Variants in BRD4 observed in about 807,000 individuals in gnomAD.
BRD4 encodes bromodomain containing 4, also known as bromodomain-containing protein 4.
A neutral mutation model predicts 142.1 loss-of-function variants in BRD4; 16 were observed. The observed-to-expected ratio is 0.11, with a 90% CI of 0.08 to 0.17. BRD4 has a LOEUF of 0.17. Among genes scored for constraint, BRD4 ranks in the 10% least tolerant of loss-of-function variants. The probability of loss-of-function intolerance (pLI) is 1.00; values close to 1 mark genes in which losing one functional copy is unlikely to be tolerated. For synonymous variants in BRD4, 833 were observed against 707.5 expected, an observed-to-expected ratio of 1.18 and a Z score of -2.82; for missense variants, 1,424 against 1,810.9, an observed-to-expected ratio of 0.79 and a Z score of 3.88.
rs772991598 is a variant in BRD4 at position 15,268,978 on chromosome 19, T to C, written c.350A>G (p.Asn117Ser). 8 of 1,614,106 alleles carry C rather than the reference T, an allele frequency of 5.0e-6. No individual in the cohort carries two copies. Among genetic ancestry groups the C allele is most frequent in the South Asian group, 2.2e-5 (2 of 91,092 alleles). Residue 117 changes from asparagine (N) to serine (S), a missense_variant, in exon 3 of 20, where the codon AAC becomes AGC. This residue lies in a region of BRD4 where 55 missense variants were observed against 160.7 expected (regional missense o/e 0.34). Coordinates refer to ENST00000679869, the MANE Select transcript of BRD4 (RefSeq NM_001379291.1). ...MGTIKKRLEN[N>S]YYWNAQECIQ... is the part of the protein sequence containing the mutation. ...ACATTCCTGAGCATTCCAGTAATAGTTGTTTTCCAAGCGCTTCTTTATTGT... is the reference window on the plus strand; with the variant it reads ...ACATTCCTGAGCATTCCAGTAATAGCTGTTTTCCAAGCGCTTCTTTATTGT...
chr19:15,266,269 A>G (rs1313165871), intron 4 of BRD4, among the ~76,000 whole-genome samples: 1 of 152,230 alleles, frequency 6.6e-6, no homozygotes, highest in Non-Finnish European at 1.5e-5. Flanking sequence ...GACCAGGGTG[A>G]GAATGTCTAG....
chr19:15,269,286 C>G (rs1345350367), intron 2 of BRD4, among the ~76,000 whole-genome samples: 1 of 152,248 alleles, frequency 6.6e-6, no homozygotes, highest in Non-Finnish European at 1.5e-5. Context: ...TCCAACCACT[C>G]TATCTTGAAA....
intron 1 of BRD4, chr19:15,280,158 C>T (rs2047691777): frequency 5.5e-6 from 4 of 731,656 alleles, no homozygotes; most frequent in African/African-American, 1.9e-5. Flanking sequence ...TCTTCATCAT[C>T]ATCCCCATGG....
chr19:15,256,038 C>A, intron 9 of BRD4, 26 bp downstream of exon 9: 1 of 1,609,168 alleles, frequency 6.2e-7, no homozygotes, highest in Non-Finnish European at 8.5e-7. Context: ...GGGTCCCCAC[C>A]CAGGACAAAT....
At chr19:15,248,194 G>C (rs1296064454) in intron 11 of BRD4, 2 of 220,840 alleles carry the variant, frequency 9.1e-6, no homozygotes, top group Non-Finnish European at 1.8e-5. Context: ...ACCAAAAAAG[G>C]GCTGGTATTT....
intron 1 of BRD4, among the ~76,000 whole-genome samples, chr19:15,292,777 C>CAAAAAAAAAAAAAAAAAAAAAAAAAAAAA (rs57341445): frequency 1.6e-4 from 9 of 57,256 alleles, no homozygotes; most frequent in Admixed American, 2.6e-4. Context: ...GACTCCGTCT[C>CAAAAAAAAAAAAAAAAAAAAAAAAAAAAA]AAAAAAAAAA....
intron 11 of BRD4, chr19:15,245,072 A>T: frequency 2.1e-6 from 1 of 480,712 alleles, no homozygotes; most frequent in South Asian, 2.1e-5. Context: ...CCACTACTCA[A>T]GGGTCAGTCA....
chr19:15,282,362 A>G (rs879321593), intron 1 of BRD4, among the ~76,000 whole-genome samples: 34 of 152,344 alleles, frequency 2.2e-4, no homozygotes, highest in African/African-American at 7.0e-4. Flanking sequence ...TTAGGTAACA[A>G]TGCCAGGTGG....
chr19:15,253,975 T>C (rs2047378150), intron 11 of BRD4, 177 bp downstream of exon 11: 3 of 697,360 alleles, frequency 4.3e-6, no homozygotes, highest in African/African-American at 3.6e-5. Flanking sequence ...CTGCACAGAG[T>C]GCAGGGCTAT....
In BRD4 at chr19:15,239,591, A is replaced by G. The variant is rs547584115; in HGVS notation, c.3445+68T>C. ...GTGGGGCATGGTCCACCAGCCCCAC[A>G]GCAAGCTTATGTCCAACACGGGCCT... On this transcript the variant is annotated intron_variant, in intron 16 of 19. Coordinates refer to ENST00000679869, the MANE Select transcript of BRD4 (RefSeq NM_001379291.1). The surrounding 1 kb of genome is among the most constrained non-coding windows in gnomAD (Gnocchi z 7.4). 75 of 1,563,408 alleles carry G rather than the reference A, an allele frequency of 4.8e-5. 1 individual carries two copies. In the Middle Eastern group the frequency reaches 2.2e-3, roughly 46 times the overall value.
intron 1 of BRD4, among the ~76,000 whole-genome samples, chr19:15,275,034 T>A (rs540328110): frequency 7.2e-5 from 11 of 152,272 alleles, no homozygotes; most frequent in African/African-American, 2.4e-4. Context: ...AATATTTGTA[T>A]TTTTAGTGGA....
intron 1 of BRD4, among the ~76,000 whole-genome samples, chr19:15,303,843 C>T (rs1305838145): frequency 1.3e-5 from 2 of 152,158 alleles, no homozygotes; most frequent in African/African-American, 4.8e-5. Context: ...ATCAACATTA[C>T]AGGGTTGAGA....
At position 15,303,779 on chromosome 19, in the gene BRD4, C is replaced by T. The variant is rs192953831; in HGVS notation, c.-35+28511G>A. 5.9e-5 allele frequency among the ~76,000 whole-genome samples: 9 copies of T among 152,292 alleles called. No homozygotes were observed. The East Asian group carries it at 1.5e-3, about 26-fold the overall frequency. ...TTTAACTGTAATGCGATAACCAGAG[C>T]TCACACAACCACTTCTCGACTGTTT... On this transcript the variant is annotated intron_variant, in intron 1 of 19. Coordinates refer to ENST00000679869, the MANE Select transcript of BRD4 (RefSeq NM_001379291.1).
chr19:15,245,512 CGT>C (rs1451561099), intron 11 of BRD4, among the ~76,000 whole-genome samples: 1 of 152,190 alleles, frequency 6.6e-6, no homozygotes, highest in African/African-American at 2.4e-5. Context: ...CGCCCCCACT[CGT>C]GTGGGCCGAC....
At chr19:15,306,908 G>A (rs1330622641) in intron 1 of BRD4, among the ~76,000 whole-genome samples, 2 of 152,160 alleles carry the variant, frequency 1.3e-5, no homozygotes, top group East Asian at 1.9e-4. Context: ...CAGAGATGAA[G>A]TGAGCACACG....
intron 1 of BRD4, among the ~76,000 whole-genome samples, chr19:15,317,634 T>C (rs1208637925): frequency 6.6e-6 from 1 of 151,518 alleles, no homozygotes; most frequent in Non-Finnish European, 1.5e-5. Flanking sequence ...GTGGTGGTGG[T>C]GGTGGTGGTC....
intron 4 of BRD4, among the ~76,000 whole-genome samples, chr19:15,266,925 C>T (rs2145608175): frequency 6.6e-6 from 1 of 152,256 alleles, no homozygotes; most frequent in South Asian, 2.1e-4. Context: ...TGGTGACAGG[C>T]AGAGATGGAT....
chr19:15,253,398 C>A (rs1315802759), intron 11 of BRD4: 2 of 668,680 alleles, frequency 3.0e-6, no homozygotes, highest in Non-Finnish European at 5.1e-6. Flanking sequence ...GCATCACTAC[C>A]TGCCTCCACC....
chr19:15,299,401 T>G (rs533264423), intron 1 of BRD4, among the ~76,000 whole-genome samples: 124 of 152,306 alleles, frequency 8.1e-4, no homozygotes, highest in African/African-American at 2.8e-3. Context: ...CCTGACACAC[T>G]TCCACACATT....
Sources: allele counts gnomAD v4.1 joint callset (sites outside exome capture counted in the v4.1 genomes callset), GRCh38; gene constraint gnomAD v4.1.1; regional missense constraint gnomAD v4.1.1; non-coding constraint Gnocchi (gnomAD v3.1); transcripts MANE v1.5; gene names NCBI Gene and HGNC (gene_info 2026-07-23, HGNC 2026-07-21).